The following PCED1B variants were observed in gnomAD, a reference collection of about 807,000 sequenced individuals.
PCED1B encodes the protein PC-esterase domain-containing protein 1B.
For synonymous variants in PCED1B, 251 were observed against 246.1 expected (o/e 1.02, Z -0.19); for missense variants, 573 against 573.9 (o/e 1.00, Z 0.02).
chr12:47,235,996 G>A lies in PCED1B; in HGVS notation c.933G>A (p.Pro311=). 6.2e-7 allele frequency: 1 copy of A among 1,605,374 alleles called. No individual in the cohort carries two copies. ...PLLGFPPQRL[P]LLPLLSPQPP... ...TTGGGTTCCCACCCCAGCGCTTGCC[G>A]CTGCTCCCGCTCCTGTCCCCACAGC... Residue 311 remains proline, a synonymous_variant, in exon 4 of 4, where the codon CCG becomes CCA. Transcript: ENST00000546455.
intron 1 of PCED1B, among the ~76,000 whole-genome samples, chr12:47,102,785 C>T (rs561438980): frequency 5.3e-5 from 8 of 152,098 alleles, no homozygotes; most frequent in East Asian, 1.9e-4. Context: ...ATAGGAGCAC[C>T]GTGCCTAGAA....
intron 2 of PCED1B, among the ~76,000 whole-genome samples, chr12:47,182,314 C>T (rs1053119987): frequency 6.6e-6 from 1 of 152,134 alleles, no homozygotes; most frequent in Non-Finnish European, 1.5e-5. Flanking sequence ...AATACTACTG[C>T]CCTGGCACGG....
At chr12:47,196,700 C>A (rs1039981773) in intron 2 of PCED1B, among the ~76,000 whole-genome samples, 1 of 152,062 alleles carries the variant, frequency 6.6e-6, no homozygotes, top group Non-Finnish European at 1.5e-5. Context: ...TGGTGGCGGG[C>A]GCCTGTAATC....
chr12:47,229,975 C>T (rs980298738), intron 3 of PCED1B, among the ~76,000 whole-genome samples: 18 of 149,358 alleles, frequency 1.2e-4, no homozygotes, highest in Non-Finnish European at 8.9e-5. Flanking sequence ...GGGGTTTCAC[C>T]GTGTTAGCCA....
rs1378496700 is a variant in PCED1B, at chr12:47,136,163, A to G, written c.-526+31968A>G. 1.6e-4 allele frequency among the ~76,000 whole-genome samples: 23 copies of G among 143,542 alleles called. No individual in the cohort carries two copies. In the Admixed American group the frequency reaches 1.7e-3, roughly 10 times the overall value. 94.2% of individuals were successfully genotyped at this position (143,542 alleles called of 152,430 possible). A position where few individuals can be genotyped will look rare whatever the true frequency, so the allele number is the denominator to read the frequency against. On this transcript the variant is annotated intron_variant, in intron 2 of 3. Coordinates refer to ENST00000546455, the MANE Select transcript of PCED1B (RefSeq NM_138371.3). ...TTCCTTTATTATAATCATCTTTCAC[A>G]TACTTCTTGCCCATTTGTACTTTTG... is the stretch of plus-strand genomic sequence containing the variant.
intron 2 of PCED1B, chr12:47,210,109 A>G (rs1409065930): frequency 1.3e-5 from 2 of 152,358 alleles, no homozygotes; most frequent in East Asian, 3.9e-4. Context: ...TTTGGAAAAT[A>G]ACATGATTCG....
In PCED1B at chr12:47,203,051, C is replaced by CA. The variant is rs1942814437; in HGVS notation, c.-525-13171_-525-13170insA. 2.0e-5 allele frequency among the ~76,000 whole-genome samples: 3 copies of CA among 151,170 alleles called. No individual in the cohort carries two copies. In the South Asian group the frequency reaches 6.3e-4, roughly 31 times the overall value. On this transcript the variant is annotated intron_variant, in intron 2 of 3. Coordinates refer to ENST00000546455, the MANE Select transcript of PCED1B (RefSeq NM_138371.3). ...GTGGCATGATCTCAGCTCACTGCAA[C>CA]CTCTGTCTCTTAGATTCAAAAGATT...
chr12:47,229,446 C>T (rs1943731860), intron 3 of PCED1B, among the ~76,000 whole-genome samples: 1 of 150,916 alleles, frequency 6.6e-6, no homozygotes, highest in Non-Finnish European at 1.5e-5. Context: ...AAATAAAAAA[C>T]ACTCAAAAGT....
chr12:47,211,935 CG>C, intron 2 of PCED1B, among the ~76,000 whole-genome samples: 1 of 151,392 alleles, frequency 6.6e-6, no homozygotes, highest in East Asian at 2.0e-4. Flanking sequence ...ATTAGCCGGG[CG>C]TAGTGGCGGG....
chr12:47,162,105 G>A (rs950898548), intron 2 of PCED1B, among the ~76,000 whole-genome samples: 6 of 150,592 alleles, frequency 4.0e-5, no homozygotes, highest in Non-Finnish European at 7.4e-5. Context: ...ACACACTGGG[G>A]CCTGTTGTGG....
rs1339447516 is a variant in PCED1B, at chr12:47,235,873, A to T, written c.810A>T (p.Lys270Asn). The T allele has an allele frequency of 1.3e-6, 2 of 1,582,808 alleles. No individual in the cohort carries two copies. Among genetic ancestry groups the T allele is most frequent in the Non-Finnish European group, 1.7e-6 (2 of 1,164,908 alleles). The change falls in exon 4 of 4, where the codon AAA becomes AAT. Residue 270 changes from lysine (K) to asparagine (N), a missense_variant. Transcript: ENST00000546455. ...TGGGCGAGTGGATCAAGAAGAAAAA[A>T]CCTGGCCCGAGAGTCGAAGGGCCGC... ...HPVGEWIKKK[K>N]PGPRVEGPPQ... is the part of the protein sequence containing the mutation.
intron 2 of PCED1B, among the ~76,000 whole-genome samples, chr12:47,139,960 A>G (rs1940532345): frequency 6.6e-6 from 1 of 151,062 alleles, no homozygotes; most frequent in Non-Finnish European, 1.5e-5. Context: ...ATATTAGATG[A>G]TGTGTGTGTG....
At chr12:47,192,806 C>G (rs879441269) in intron 2 of PCED1B, among the ~76,000 whole-genome samples, 3 of 152,178 alleles carry the variant, frequency 2.0e-5, no homozygotes, top group Non-Finnish European at 4.4e-5. Flanking sequence ...ATTTAACCAT[C>G]ATTCCTTGAG....
rs115134585 is a variant in PCED1B, at chr12:47,193,749, C to T, written c.-525-22473C>T. 7.0e-3 allele frequency among the ~76,000 whole-genome samples: 1,069 copies of T among 152,328 alleles called. 7 individuals are homozygous for T. Among genetic ancestry groups the T allele is most frequent in the African/African-American group, 0.024 (1,013 of 41,566 alleles). On this transcript the variant is annotated intron_variant, in intron 2 of 3. Coordinates refer to ENST00000546455, the MANE Select transcript of PCED1B (RefSeq NM_138371.3). ...GCAACATTGCTCCAGTCCTATAAAT[C>T]ATATGAGGCAACCAAATAGTCTCCA...
In PCED1B at chr12:47,236,218, CA is replaced by C. The variant is rs1943981211; in HGVS notation, c.1156del (p.Thr386HisfsTer51). 6.2e-7 allele frequency: 1 copy of C among 1,614,054 alleles called. No homozygotes were observed. The highest frequency in any genetic ancestry group is 1.3e-5 in the African/African-American group (1 of 74,920). On this transcript the variant is annotated frameshift_variant, in exon 4 of 4. Transcript: ENST00000546455. LOFTEE classifies it low-confidence loss of function (END_TRUNC). ...CTCAGCTGCCTATGCCCTTCTTCCC[CA>C]CACCCCGTTATCAGCGGCCTGCCCC... is the stretch of plus-strand genomic sequence containing the variant. The part of the protein sequence containing the change: ...GPQLPMPFFP[T>X]PRYQRPAPVV...
chr12:47,192,161 C>CT (rs145687998), intron 2 of PCED1B, among the ~76,000 whole-genome samples: 4,150 of 129,702 alleles, frequency 0.032, 100 homozygotes, highest in Non-Finnish European at 0.039. Flanking sequence ...GGAGGCTACG[C>CT]TTTTTTTTTT....
chr12:47,202,013 T>C (rs1422336496), intron 2 of PCED1B, among the ~76,000 whole-genome samples: 1 of 152,230 alleles, frequency 6.6e-6, no homozygotes, highest in Non-Finnish European at 1.5e-5. Context: ...TTTAAAGCCA[T>C]TTAGATCAAG....
chr12:47,093,657 A>C (rs895365658), intron 1 of PCED1B, among the ~76,000 whole-genome samples: 3 of 151,634 alleles, frequency 2.0e-5, no homozygotes, highest in African/African-American at 7.2e-5. Flanking sequence ...ATTTAAGTTT[A>C]AGAACTAATT....
intron 1 of PCED1B, among the ~76,000 whole-genome samples, chr12:47,100,999 G>T (rs1938680818): frequency 1.3e-5 from 2 of 152,242 alleles, no homozygotes; most frequent in African/African-American, 4.8e-5. Flanking sequence ...GAACCCGGGA[G>T]GTGGAGGTTG....
Sources: gnomAD v4.1 joint callset for allele counts (sites outside exome capture counted in the v4.1 genomes callset) on GRCh38, gnomAD v4.1.1 for gene constraint, MANE v1.5 for transcripts, NCBI Gene and HGNC (gene_info 2026-07-23, HGNC 2026-07-21) for gene names.